The following ZNF536 variants were observed in gnomAD, a reference collection of about 807,000 sequenced individuals.
ZNF536 encodes the protein zinc finger protein 536.
ZNF536 carries 13 observed loss-of-function variants against 84.5 expected under a neutral mutation model. The ratio of observed to expected loss-of-function variants is 0.15; its 90% CI spans 0.10 to 0.24. The LOEUF (loss-of-function observed/expected upper bound fraction) is 0.24, where lower values mean the gene tolerates loss of function less well. Among genes scored for constraint, ZNF536 ranks in the 10% least tolerant of loss-of-function variants. ZNF536 has a pLI of 1.00. For missense variants in ZNF536, 1,536 were observed against 1,747.5 expected, an observed-to-expected ratio of 0.88 and a Z score of 2.16; for synonymous variants, 811 against 742.5, an observed-to-expected ratio of 1.09 and a Z score of -1.50.
chr19:30,604,256 T>C (rs1315520777), intron 1 of ZNF536, among the ~76,000 whole-genome samples: 1 of 152,126 alleles, frequency 6.6e-6, no homozygotes, highest in Non-Finnish European at 1.5e-5. Context: ...CATGGATGGC[T>C]GCCAGTAATA....
At chr19:30,596,371 G>A (rs1056227175) in intron 1 of ZNF536, among the ~76,000 whole-genome samples, 1 of 152,182 alleles carries the variant, frequency 6.6e-6, no homozygotes, top group African/African-American at 2.4e-5. Flanking sequence ...ATGTATCGTG[G>A]CTTTTAAAAA....
At chr19:30,438,481 G>A (rs956848667) in intron 1 of ZNF536, among the ~76,000 whole-genome samples, 5 of 152,178 alleles carry the variant, frequency 3.3e-5, no homozygotes, top group Admixed American at 6.5e-5. Context: ...TCAGTGGGGC[G>A]TGTAGGCTAA....
intron 2 of ZNF536, among the ~76,000 whole-genome samples, chr19:30,329,575 C>T (rs1329584141): frequency 1.3e-5 from 2 of 152,062 alleles, no homozygotes; most frequent in Non-Finnish European, 2.9e-5. Flanking sequence ...TTTAAGAGAA[C>T]ATCTAAATTA....
intron 2 of ZNF536, among the ~76,000 whole-genome samples, chr19:30,483,669 C>T (rs918935355): frequency 1.3e-5 from 2 of 152,130 alleles, no homozygotes; most frequent in South Asian, 2.1e-4. Flanking sequence ...ACACAGTTTC[C>T]GTCTAGTTCG....
intron 2 of ZNF536, among the ~76,000 whole-genome samples, chr19:30,446,883 A>ACAG (rs1011865418): frequency 2.0e-5 from 3 of 152,092 alleles, no homozygotes; most frequent in Non-Finnish European, 4.4e-5. Flanking sequence ...TCACCACCTA[A>ACAG]CAGCAGGTAA....
At chr19:30,628,149 C>T (rs560802920) in intron 1 of ZNF536, among the ~76,000 whole-genome samples, 5 of 152,320 alleles carry the variant, frequency 3.3e-5, no homozygotes, top group Admixed American at 1.3e-4. Context: ...CCTGGGGGAA[C>T]GCTAAGTAGG....
chr19:30,594,904 C>T (rs2047403917), intron 1 of ZNF536, among the ~76,000 whole-genome samples: 1 of 152,128 alleles, frequency 6.6e-6, no homozygotes, highest in Non-Finnish European at 1.5e-5. Flanking sequence ...AACCTCTGTC[C>T]CCCAGCTGCC....
chr19:30,700,213 C>CTTTCTTTCTTTCT (rs1452244836), intron 1 of ZNF536, among the ~76,000 whole-genome samples: 30 of 102,586 alleles, frequency 2.9e-4, no homozygotes, highest in African/African-American at 3.6e-4. Flanking sequence ...TCTTTCTTTC[C>CTTTCTTTCTTTCT]TTCTTTCTTT....
chr19:30,356,239 G>T (rs527554022), intron 3 of ZNF536, among the ~76,000 whole-genome samples: 2 of 152,284 alleles, frequency 1.3e-5, no homozygotes, highest in African/African-American at 4.8e-5. Context: ...AGGTTGGGAG[G>T]CCCAGTGACT....
intron 3 of ZNF536, among the ~76,000 whole-genome samples, chr19:30,357,055 A>G (rs1475279487): frequency 1.3e-5 from 2 of 152,224 alleles, no homozygotes. Context: ...GACTGATAAT[A>G]TGGGCGTTGA....
intron 2 of ZNF536, among the ~76,000 whole-genome samples, chr19:30,328,897 G>A (rs908865335): frequency 2.6e-5 from 4 of 152,168 alleles, no homozygotes; most frequent in Admixed American, 6.5e-5. Context: ...TTTTGTTCTC[G>A]ATTTCTCTCT....
intron 2 of ZNF536, among the ~76,000 whole-genome samples, chr19:30,524,016 C>G (rs2044472436): frequency 6.6e-6 from 1 of 152,222 alleles, no homozygotes; most frequent in East Asian, 1.9e-4. Context: ...GACCTGCACT[C>G]CACGGAGGGG....
chr19:30,596,729 C>T (rs917914770), intron 1 of ZNF536, among the ~76,000 whole-genome samples: 16 of 151,910 alleles, frequency 1.1e-4, no homozygotes, highest in Non-Finnish European at 4.4e-5. Context: ...AGTAGTCGGC[C>T]GTGCAATATT....
chr19:30,252,193 A>C (rs2024649344), intron 1 of ZNF536, among the ~76,000 whole-genome samples: 1 of 152,232 alleles, frequency 6.6e-6, no homozygotes, highest in Non-Finnish European at 1.5e-5. Flanking sequence ...CTTATGAAAA[A>C]ATGCTCAACA....
chr19:30,535,121 C>T (rs1465506948), intron 3 of ZNF536, 122 bp downstream of exon 3: 1 of 1,158,962 alleles, frequency 8.6e-7, no homozygotes, highest in African/African-American at 1.6e-5. Flanking sequence ...TCTCCCTGGG[C>T]CTGTCTAGCC....
chr19:30,313,508 AG>A (rs2046575088), intron 2 of ZNF536, among the ~76,000 whole-genome samples: 1 of 152,066 alleles, frequency 6.6e-6, no homozygotes, highest in African/African-American at 2.4e-5. Context: ...CACTCTCCAC[AG>A]GGAGCCCATT....
chr19:30,454,771 T>C (rs905531855), intron 2 of ZNF536, among the ~76,000 whole-genome samples: 3 of 152,118 alleles, frequency 2.0e-5, no homozygotes, highest in African/African-American at 7.2e-5. Flanking sequence ...GGTGGCTCAC[T>C]CCTGTAATCC....
intron 1 of ZNF536, among the ~76,000 whole-genome samples, chr19:30,669,710 C>T (rs1222571347): frequency 6.6e-6 from 1 of 152,218 alleles, no homozygotes; most frequent in Admixed American, 6.5e-5. Flanking sequence ...GTAGAGGGCA[C>T]CAACTGACAA....
chr19:30,521,766 G>A (rs143553511), intron 2 of ZNF536, among the ~76,000 whole-genome samples: 1 of 152,238 alleles, frequency 6.6e-6, no homozygotes, highest in East Asian at 1.9e-4. Flanking sequence ...AGAGAAGCCA[G>A]CTGGGGGCCA....
Sources: allele counts gnomAD v4.1 joint callset (sites outside exome capture counted in the v4.1 genomes callset), GRCh38; gene constraint gnomAD v4.1.1; transcripts MANE v1.5; gene names NCBI Gene and HGNC (gene_info 2026-07-23, HGNC 2026-07-21).